Variants in CCSER1 observed in about 807,000 individuals in gnomAD.
CCSER1 encodes serine-rich coiled-coil domain-containing protein 1.
In CCSER1, 41 loss-of-function variants were observed where a neutral mutation model predicts 82.0. The ratio of observed to expected loss-of-function variants is 0.50; its 90% CI spans 0.39 to 0.65. The LOEUF is 0.65. CCSER1 is among the 30% of genes least tolerant of loss of function. CCSER1 has a pLI of 0.00. For synonymous variants in CCSER1, 414 were observed against 383.9 expected (o/e 1.08, Z -0.92); for missense variants, 1,119 against 1,064.2 (o/e 1.05, Z -0.72).
chr4:90,226,900 C>G (rs2153424463), intron 1 of CCSER1, among the ~76,000 whole-genome samples: 1 of 152,300 alleles, frequency 6.6e-6, no homozygotes, highest in South Asian at 2.1e-4. Flanking sequence ...GGGACCTGAC[C>G]ATTTCTTCCA....
At chr4:90,157,658 G>T (rs1361904877) in intron 1 of CCSER1, among the ~76,000 whole-genome samples, 2 of 152,062 alleles carry the variant, frequency 1.3e-5, no homozygotes, top group Non-Finnish European at 2.9e-5. Flanking sequence ...TCTTCCAGTT[G>T]ATTGCATCGG....
chr4:91,079,680 C>T (rs994774554), intron 9 of CCSER1, among the ~76,000 whole-genome samples: 2 of 152,154 alleles, frequency 1.3e-5, no homozygotes, highest in African/African-American at 2.4e-5. Flanking sequence ...ACCCATCTCA[C>T]ATGCAGAGAC....
At chr4:90,526,730 C>G (rs537440137) in intron 5 of CCSER1, among the ~76,000 whole-genome samples, 6 of 152,140 alleles carry the variant, frequency 3.9e-5, no homozygotes, top group Non-Finnish European at 1.5e-5. Context: ...CATAGTGTTC[C>G]ATGGTGTATA....
chr4:91,362,572 A>T (rs1473128955), intron 10 of CCSER1, among the ~76,000 whole-genome samples: 1 of 151,894 alleles, frequency 6.6e-6, no homozygotes, highest in Non-Finnish European at 1.5e-5. Context: ...ATGCTAATTA[A>T]TGCAGGAAGT....
chr4:90,135,748 T>C (rs1424380289), intron 1 of CCSER1, among the ~76,000 whole-genome samples: 2 of 152,218 alleles, frequency 1.3e-5, no homozygotes, highest in East Asian at 3.8e-4. Flanking sequence ...ACTAGAAAGA[T>C]AGTCATGCAT....
At chr4:90,582,876 C>T (rs527273310) in intron 5 of CCSER1, among the ~76,000 whole-genome samples, 15 of 152,174 alleles carry the variant, frequency 9.9e-5, no homozygotes, top group African/African-American at 3.4e-4. Flanking sequence ...TTTGTTTGGC[C>T]TATGAAAAAT....
intron 9 of CCSER1, among the ~76,000 whole-genome samples, chr4:90,994,494 TA>T (rs148458882): frequency 0.22 from 33,064 of 148,484 alleles, 4,006 homozygotes; most frequent in African/African-American, 0.33. Context: ...CATGGTAAAG[TA>T]AAAAAAAAAA....
chr4:90,234,396 T>C (rs1308195158), intron 1 of CCSER1, among the ~76,000 whole-genome samples: 1 of 152,132 alleles, frequency 6.6e-6, no homozygotes, highest in Non-Finnish European at 1.5e-5. Context: ...TTTGTATTTT[T>C]AGTAGAGATG....
intron 9 of CCSER1, among the ~76,000 whole-genome samples, chr4:90,973,337 G>T (rs1238062660): frequency 6.6e-6 from 1 of 151,608 alleles, no homozygotes; most frequent in Non-Finnish European, 1.5e-5. Flanking sequence ...CAAATAACCT[G>T]ATTAAAAATT....
chr4:91,567,380 G>C (rs1762941030), intron 10 of CCSER1, among the ~76,000 whole-genome samples: 1 of 152,096 alleles, frequency 6.6e-6, no homozygotes, highest in Non-Finnish European at 1.5e-5. Flanking sequence ...GGAGAGTTAT[G>C]TAAAGGTCTA....
chr4:91,597,311 A>G (rs1764631317), intron 10 of CCSER1, among the ~76,000 whole-genome samples: 1 of 152,100 alleles, frequency 6.6e-6, no homozygotes, highest in Admixed American at 6.6e-5. Context: ...CACCCAATAA[A>G]TATTATGTAT....
intron 1 of CCSER1, among the ~76,000 whole-genome samples, chr4:90,204,814 C>T (rs1034800268): frequency 6.6e-6 from 1 of 152,182 alleles, no homozygotes; most frequent in Admixed American, 6.5e-5. Context: ...ATTGATTCTT[C>T]CTATCCATGA....
intron 1 of CCSER1, among the ~76,000 whole-genome samples, chr4:90,297,884 G>C (rs1253635649): frequency 6.6e-6 from 1 of 152,054 alleles, no homozygotes; most frequent in African/African-American, 2.4e-5. Context: ...TGTGCTGCTG[G>C]ATTCGGTTTG....
intron 5 of CCSER1, among the ~76,000 whole-genome samples, chr4:90,562,212 A>G (rs1778851853): frequency 6.7e-6 from 1 of 149,078 alleles, no homozygotes; most frequent in Non-Finnish European, 1.5e-5. Context: ...AAAAAAAAAG[A>G]TAAATTCAAA....
At chr4:91,253,015 T>TA (rs113166537) in intron 10 of CCSER1, among the ~76,000 whole-genome samples, 51 of 144,422 alleles carry the variant, frequency 3.5e-4, no homozygotes, top group Non-Finnish European at 4.4e-4. Flanking sequence ...CAGAATGGAC[T>TA]AAAAAAAAAA....
chr4:91,344,139 T>C (rs1747898275), intron 10 of CCSER1, among the ~76,000 whole-genome samples: 1 of 152,178 alleles, frequency 6.6e-6, no homozygotes. Context: ...CTTAAGGGCT[T>C]CGCCAGCTGA....
At chr4:90,597,254 C>T (rs956184178) in intron 5 of CCSER1, among the ~76,000 whole-genome samples, 1 of 151,956 alleles carries the variant, frequency 6.6e-6, no homozygotes, top group African/African-American at 2.4e-5. Flanking sequence ...AATACTTATT[C>T]TGCTTAATTC....
At chr4:90,243,570 GAGGT>G (rs372445065) in intron 1 of CCSER1, among the ~76,000 whole-genome samples, 4,721 of 150,368 alleles carry the variant, frequency 0.031, 225 homozygotes, top group African/African-American at 0.094. Flanking sequence ...TTATTTTGGG[GAGGT>G]GGGGGGTCTT....
chr4:91,183,066 G>A lies in CCSER1; in HGVS notation c.2217+97072G>A, dbSNP rs549314860. Among the ~76,000 whole-genome samples, 19 of 152,314 alleles carry A rather than the reference G, an allele frequency of 1.2e-4. 1 individual carries two copies. The South Asian group carries it at 3.9e-3, about 32-fold the overall frequency. Reference sequence around the variant, plus strand: ...GCCTTTTGAATCCCTTTAGTCAAAGGTCCTGGAAGAGATGTATGAGCCCTA... The same window carrying A: ...GCCTTTTGAATCCCTTTAGTCAAAGATCCTGGAAGAGATGTATGAGCCCTA... On this transcript the variant is annotated intron_variant, in intron 10 of 10. Coordinates refer to ENST00000509176, the MANE Select transcript of CCSER1 (RefSeq NM_001145065.2).
Sources: gnomAD v4.1 joint callset for allele counts (sites outside exome capture counted in the v4.1 genomes callset) on GRCh38, gnomAD v4.1.1 for gene constraint, MANE v1.5 for transcripts, NCBI Gene and HGNC (gene_info 2026-07-23, HGNC 2026-07-21) for gene names.